PALM2AKAP2: variants seen among roughly 807,000 people sequenced by gnomAD.
PALM2AKAP2 encodes the protein PALM2-AKAP2 fusion protein.
Under a neutral mutation model 71.5 loss-of-function variants are expected in PALM2AKAP2, and 37 were observed. The observed-to-expected ratio is 0.52, with a 90% CI of 0.40 to 0.68. The LOEUF (loss-of-function observed/expected upper bound fraction) is 0.68. PALM2AKAP2 is among the 30% of genes least tolerant of loss of function. The probability of loss-of-function intolerance (pLI) is 0.00; values close to 1 mark genes in which losing one functional copy is unlikely to be tolerated. For missense variants in PALM2AKAP2, 1,224 were observed against 1,191.8 expected (o/e 1.03, Z -0.40); for synonymous variants, 468 against 478.8 (o/e 0.98, Z 0.29).
intron 1 of PALM2AKAP2, 137 bp from the exon 8 acceptor site, chr9:110,135,990 T>C: frequency 8.8e-7 from 1 of 1,131,730 alleles, no homozygotes; most frequent in Admixed American, 3.2e-5. Flanking sequence ...AAGGGATTAT[T>C]AGAAAATATC....
chr9:110,164,381 A>G (rs1018538079), intron 3 of PALM2AKAP2, among the ~76,000 whole-genome samples: 3 of 152,234 alleles, frequency 2.0e-5, no homozygotes, highest in African/African-American at 4.8e-5. Context: ...ATTGCTTTCA[A>G]AGTTAAGCAA....
At chr9:109,728,520 TG>T (rs548647685) in intron 1 of PALM2AKAP2, among the ~76,000 whole-genome samples, 40 of 152,236 alleles carry the variant, frequency 2.6e-4, no homozygotes, top group South Asian at 6.2e-4. Context: ...CAGTTGTGCC[TG>T]AAGCCAGCTC....
At chr9:109,813,976 G>A (rs1827790065) in intron 1 of PALM2AKAP2, among the ~76,000 whole-genome samples, 2 of 152,048 alleles carry the variant, frequency 1.3e-5, no homozygotes, top group South Asian at 2.1e-4. Context: ...TGCTCTTTTG[G>A]CACTTATCAC....
intron 1 of PALM2AKAP2, among the ~76,000 whole-genome samples, chr9:109,729,872 T>C (rs1828529172): frequency 2.0e-5 from 3 of 152,178 alleles, no homozygotes; most frequent in African/African-American, 7.2e-5. Flanking sequence ...GAGAATGCAA[T>C]AGGTTGATTC....
At chr9:110,023,092 C>T (rs988151735) in intron 7 of PALM2AKAP2, among the ~76,000 whole-genome samples, 1 of 151,176 alleles carries the variant, frequency 6.6e-6, no homozygotes, top group African/African-American at 2.4e-5. Flanking sequence ...GGGTATATAC[C>T]CAGTAATGGG....
At chr9:109,974,477 G>C (rs1192871098) in intron 6 of PALM2AKAP2, among the ~76,000 whole-genome samples, 2 of 152,058 alleles carry the variant, frequency 1.3e-5, no homozygotes, top group East Asian at 1.9e-4. Flanking sequence ...AAGACCCAGA[G>C]ATGTCAACAA....
At chr9:109,788,863 A>G (rs1827033586) in intron 1 of PALM2AKAP2, among the ~76,000 whole-genome samples, 1 of 152,210 alleles carries the variant, frequency 6.6e-6, no homozygotes, top group African/African-American at 2.4e-5. Flanking sequence ...GCTTAAGCCC[A>G]GGAGTTCAAG....
In PALM2AKAP2 at chr9:110,137,435, C is replaced by T. The variant is rs112958283; in HGVS notation, c.1465C>T (p.Pro489Ser). The T allele has an allele frequency of 2.9e-5, 47 of 1,614,032 alleles. No homozygotes were observed. Among genetic ancestry groups the T allele is most frequent in the Non-Finnish European group, 3.6e-5 (43 of 1,180,010 alleles). The change falls in exon 2 of 4, where the codon CCA becomes TCA. Residue 489 changes from proline (P) to serine (S), a missense_variant. By Grantham distance (74) the Pro-to-Ser change is moderately conservative. Transcript: ENST00000374525. ...GAAATCCCCCGGTGCCCTGGAGACCCCATCGGCAGCAGGAAGCCAGGGCAA... is the reference window on the plus strand; with the variant it reads ...GAAATCCCCCGGTGCCCTGGAGACCTCATCGGCAGCAGGAAGCCAGGGCAA...
chr9:109,917,312 G>A (rs1422969818), intron 3 of PALM2AKAP2, among the ~76,000 whole-genome samples: 2 of 152,170 alleles, frequency 1.3e-5, no homozygotes, highest in Admixed American at 6.5e-5. Context: ...CCCCGTGTCA[G>A]ACTTCTGACA....
chr9:109,941,145 CTTTTTTTTTTT>C (rs34635858), intron 6 of PALM2AKAP2, among the ~76,000 whole-genome samples: 3 of 106,282 alleles, frequency 2.8e-5, no homozygotes, highest in African/African-American at 3.7e-5. Context: ...TCTTCCTCTT[CTTTTTTTTTTT>C]TTTTTTTTTT....
At chr9:109,753,350 C>G (rs1042333212) in intron 1 of PALM2AKAP2, among the ~76,000 whole-genome samples, 2 of 152,098 alleles carry the variant, frequency 1.3e-5, no homozygotes, top group Non-Finnish European at 2.9e-5. Context: ...CAGTTCTGCT[C>G]TAATAATGGG....
intron 6 of PALM2AKAP2, among the ~76,000 whole-genome samples, chr9:109,994,159 C>T (rs542596575): frequency 1.3e-5 from 2 of 152,184 alleles, no homozygotes; most frequent in East Asian, 3.8e-4. Flanking sequence ...TTATTCACAT[C>T]GTATATCAAA....
intron 1 of PALM2AKAP2, among the ~76,000 whole-genome samples, chr9:110,091,012 G>T (rs1249577379): frequency 6.6e-6 from 1 of 151,656 alleles, no homozygotes; most frequent in Non-Finnish European, 1.5e-5. Flanking sequence ...AGGTCGGCAT[G>T]GGTAAAGCTA....
chr9:109,912,997 T>C (rs1452321800), intron 3 of PALM2AKAP2, among the ~76,000 whole-genome samples: 2 of 152,240 alleles, frequency 1.3e-5, no homozygotes, highest in African/African-American at 2.4e-5. Flanking sequence ...ATGTGAGCCT[T>C]CTGACCAATA....
chr9:109,658,455 GTC>G (rs1367203178), intron 1 of PALM2AKAP2, among the ~76,000 whole-genome samples: 2 of 152,138 alleles, frequency 1.3e-5, no homozygotes, highest in African/African-American at 2.4e-5. Context: ...ATATGTTCAT[GTC>G]TCAAGGGAAT....
At chr9:110,023,828 C>T (rs1329214646) in intron 7 of PALM2AKAP2, among the ~76,000 whole-genome samples, 1 of 151,834 alleles carries the variant, frequency 6.6e-6, no homozygotes, top group East Asian at 2.0e-4. Flanking sequence ...CCAGTCTCTA[C>T]GAAATACAAA....
intron 1 of PALM2AKAP2, among the ~76,000 whole-genome samples, chr9:109,814,292 C>T (rs1274435992): frequency 2.0e-5 from 3 of 152,188 alleles, no homozygotes; most frequent in Non-Finnish European, 4.4e-5. Context: ...TGGAAATGCA[C>T]CTGCTTTTAA....
At chr9:109,688,218 C>T (rs906462735) in intron 1 of PALM2AKAP2, among the ~76,000 whole-genome samples, 3 of 152,222 alleles carry the variant, frequency 2.0e-5, no homozygotes, top group Non-Finnish European at 2.9e-5. Context: ...TAGATTTATT[C>T]ATCACAGGGT....
intron 1 of PALM2AKAP2, among the ~76,000 whole-genome samples, chr9:109,654,106 T>C (rs1827262680): frequency 6.6e-6 from 1 of 152,258 alleles, no homozygotes; most frequent in African/African-American, 2.4e-5. Flanking sequence ...AAAAATATTC[T>C]TCTTTGGTCA....
Sources: allele counts gnomAD v4.1 joint callset (sites outside exome capture counted in the v4.1 genomes callset), GRCh38; gene constraint gnomAD v4.1.1; transcripts MANE v1.5; gene names NCBI Gene and HGNC (gene_info 2026-07-23, HGNC 2026-07-21).